The following SLC12A1 variants were observed in gnomAD, a reference collection of about 807,000 sequenced individuals.
SLC12A1 encodes the protein Na-K-2Cl cotransporter.
A neutral mutation model predicts 130.4 loss-of-function variants in SLC12A1; 89 were observed. The observed-to-expected ratio is 0.68, with a 90% CI of 0.58 to 0.81. SLC12A1 has a LOEUF of 0.81. SLC12A1 is among the 40% of genes least tolerant of loss of function. The probability of loss-of-function intolerance (pLI) is 0.00; values close to 1 mark genes in which losing one functional copy is unlikely to be tolerated. For missense variants in SLC12A1, 1,310 were observed against 1,336.4 expected, an observed-to-expected ratio of 0.98 and a Z score of 0.31; for synonymous variants, 499 against 460.0, an observed-to-expected ratio of 1.08 and a Z score of -1.09.
At chr15:48,208,858 T>C (rs939026321) in intron 2 of SLC12A1, among the ~76,000 whole-genome samples, 3 of 152,192 alleles carry the variant, frequency 2.0e-5, no homozygotes, top group Non-Finnish European at 2.9e-5. Flanking sequence ...GGGGTATTTT[T>C]TATATTCTTT....
chr15:48,240,009 C>A (rs2041485214), intron 9 of SLC12A1, among the ~76,000 whole-genome samples: 2 of 98,604 alleles, frequency 2.0e-5, no homozygotes, highest in South Asian at 3.1e-4. Flanking sequence ...CATCTGTTAT[C>A]CATATATATA....
At chr15:48,300,649 T>A (rs551126097) in intron 25 of SLC12A1, among the ~76,000 whole-genome samples, 9 of 152,332 alleles carry the variant, frequency 5.9e-5, no homozygotes, top group Middle Eastern at 3.4e-3. Flanking sequence ...AACTGCCCGG[T>A]TCTGACCAAG....
intron 2 of SLC12A1, 34 bp from the exon 3 acceptor site, chr15:48,220,600 C>A: frequency 6.3e-7 from 1 of 1,590,588 alleles, no homozygotes; most frequent in South Asian, 1.2e-5. Context: ...GTTCATTGAC[C>A]AACTACTGTG....
intron 2 of SLC12A1, among the ~76,000 whole-genome samples, chr15:48,219,606 A>G (rs111551012): frequency 6.7e-5 from 10 of 149,650 alleles, no homozygotes; most frequent in Admixed American, 2.0e-4. Flanking sequence ...GAAAGAAAGA[A>G]AGAGAGAGAG....
intron 17 of SLC12A1, among the ~76,000 whole-genome samples, chr15:48,266,292 T>C (rs2041831009): frequency 6.6e-6 from 1 of 152,224 alleles, no homozygotes; most frequent in East Asian, 1.9e-4. Context: ...TTGATGACAT[T>C]GCACTAGGTA....
rs370471429 is a variant in SLC12A1 at position 48,243,440 on chromosome 15, G to A, written c.1301-1313G>A. 1.4e-4 allele frequency among the ~76,000 whole-genome samples: 21 copies of A among 152,164 alleles called. No individual in the cohort carries two copies. In the East Asian group the frequency reaches 2.5e-3, roughly 18 times the overall value. On this transcript the variant is annotated intron_variant, in intron 10 of 26. Transcript: ENST00000380993. Reference sequence around the variant, plus strand: ...TGGGAGGGGGAGACAGGTGGATCACGAGGTCAGGAGTTCAAGACCAGCCTG... The same window carrying A: ...TGGGAGGGGGAGACAGGTGGATCACAAGGTCAGGAGTTCAAGACCAGCCTG...
At chr15:48,218,221 A>T (rs2041150124) in intron 2 of SLC12A1, among the ~76,000 whole-genome samples, 1 of 152,204 alleles carries the variant, frequency 6.6e-6, no homozygotes, top group African/African-American at 2.4e-5. Flanking sequence ...TAAGTGCTGA[A>T]TCTTTCTCTG....
At chr15:48,281,427 AT>A in intron 20 of SLC12A1, among the ~76,000 whole-genome samples, 2 of 152,214 alleles carry the variant, frequency 1.3e-5, no homozygotes, top group Non-Finnish European at 2.9e-5. Flanking sequence ...TAAGCAAGGT[AT>A]TACGGAAATA....
intron 17 of SLC12A1, among the ~76,000 whole-genome samples, chr15:48,265,263 C>A (rs1286291513): frequency 6.6e-6 from 1 of 152,132 alleles, no homozygotes; most frequent in Non-Finnish European, 1.5e-5. Flanking sequence ...TAAAGTAAAT[C>A]TCTCTGTCAC....
chr15:48,225,065 A>G (rs962793955), intron 4 of SLC12A1: 2 of 152,240 alleles, frequency 1.3e-5, no homozygotes, highest in Non-Finnish European at 2.9e-5. Context: ...GAATATGATC[A>G]AAAAGCAATA....
chr15:48,291,104 T>C (rs1212782927), intron 23 of SLC12A1, among the ~76,000 whole-genome samples: 1 of 151,704 alleles, frequency 6.6e-6, no homozygotes, highest in Non-Finnish European at 1.5e-5. Context: ...TAGATAAATA[T>C]AAAGAGAGAG....
intron 26 of SLC12A1, among the ~76,000 whole-genome samples, chr15:48,301,635 G>A (rs1027343078): frequency 1.2e-4 from 18 of 151,936 alleles, no homozygotes; most frequent in African/African-American, 1.7e-4. Flanking sequence ...ATGAAGAGGC[G>A]TGTGCCCATC....
At chr15:48,230,907 T>C (rs2041368269) in intron 7 of SLC12A1, among the ~76,000 whole-genome samples, 1 of 152,178 alleles carries the variant, frequency 6.6e-6, no homozygotes, top group African/African-American at 2.4e-5. Flanking sequence ...AAACTATCAT[T>C]CTCATCTGAA....
chr15:48,246,885 C>A (rs377259851), intron 11 of SLC12A1, 24 bp from the exon 12 acceptor site: 145 of 1,526,646 alleles, frequency 9.5e-5, no homozygotes, highest in Non-Finnish European at 1.3e-4. Flanking sequence ...AGAAAGTCTC[C>A]TTACTTGTAC....
At chr15:48,259,863 A>G (rs1398921052) in intron 17 of SLC12A1, among the ~76,000 whole-genome samples, 2 of 152,236 alleles carry the variant, frequency 1.3e-5, no homozygotes, top group African/African-American at 4.8e-5. Context: ...ATGGTAGACT[A>G]ATAATAACTT....
intron 7 of SLC12A1, among the ~76,000 whole-genome samples, chr15:48,231,114 C>T (rs1337627075): frequency 2.6e-5 from 4 of 152,176 alleles, no homozygotes; most frequent in African/African-American, 9.7e-5. Context: ...AACTAGATCT[C>T]AAGCAGTCAT....
intron 15 of SLC12A1, 36 bp from the exon 16 acceptor site, chr15:48,255,775 A>C: frequency 7.9e-7 from 1 of 1,265,188 alleles, no homozygotes; most frequent in Non-Finnish European, 1.1e-6. Flanking sequence ...AGGAAAGGTC[A>C]GTGTTTTTTA....
At position 48,274,593 on chromosome 15, in the gene SLC12A1, G is replaced by T; in HGVS notation, c.2425G>T (p.Gly809Cys). The stretch of plus-strand genomic sequence containing the variant: ...CAGTGATGCATTTGATTTTGAGATT[G>T]GCGTGGTTATAGTCAGAATCAGCCA... ...IIHDAFDFEI[G>C]VVIVRISQGF... Residue 809 changes from glycine to cysteine, a missense_variant, in exon 20 of 27, where the codon GGC becomes TGC. By Grantham distance (159) the Gly-to-Cys change is radical (BLOSUM62 -3). Coordinates refer to ENST00000380993, the MANE Select transcript of SLC12A1 (RefSeq NM_000338.3). 6.2e-7 allele frequency: 1 copy of T among 1,612,874 alleles called. No individual in the cohort carries two copies.
rs1360432436 is a variant in SLC12A1, at chr15:48,259,871, C to G, written c.2154+560C>G. Among the ~76,000 whole-genome samples the G allele has an allele frequency of 2.0e-5, 3 of 152,126 alleles. No individual in the cohort carries two copies. In the South Asian group the frequency reaches 6.2e-4, roughly 32 times the overall value. ...GAAATACATGGTAGACTAATAATAA[C>G]TTATTGGTGAGTTTCCTAAGAGGTA... is the stretch of plus-strand genomic sequence containing the variant. On this transcript the variant is annotated intron_variant, in intron 17 of 26. Transcript: ENST00000380993.
Sources: gnomAD v4.1 joint callset for allele counts (sites outside exome capture counted in the v4.1 genomes callset) on GRCh38, gnomAD v4.1.1 for gene constraint, MANE v1.5 for transcripts, NCBI Gene and HGNC (gene_info 2026-07-23, HGNC 2026-07-21) for gene names.